The following TGS1 variants were observed in gnomAD, a reference collection of about 807,000 sequenced individuals.
TGS1 encodes the protein trimethylguanosine synthase 1.
TGS1 carries 69 observed loss-of-function variants against 92.2 expected under a neutral mutation model. The observed-to-expected ratio is 0.75, with a 90% CI of 0.62 to 0.91. TGS1 has a LOEUF of 0.91. TGS1 is among the 40% of genes least tolerant of loss of function. The probability of loss-of-function intolerance (pLI) is 0.00; values close to 1 mark genes in which losing one functional copy is unlikely to be tolerated. For missense variants in TGS1, 1,062 were observed against 1,001.2 expected (o/e 1.06, Z -0.82); for synonymous variants, 345 against 338.1 (o/e 1.02, Z -0.22).
At chr8:55,776,103 T>G (rs1264601468) in intron 1 of TGS1, among the ~76,000 whole-genome samples, 1 of 152,028 alleles carries the variant, frequency 6.6e-6, no homozygotes, top group African/African-American at 2.4e-5. Flanking sequence ...GACTCCTGTC[T>G]CAAGAGCCGA....
intron 6 of TGS1, among the ~76,000 whole-genome samples, chr8:55,795,384 C>T (rs1812008595): frequency 6.6e-6 from 1 of 152,140 alleles, no homozygotes; most frequent in South Asian, 2.1e-4. Context: ...CTAAAGTGTA[C>T]GTGACACTCT....
At chr8:55,805,299 T>G (rs929997532) in intron 10 of TGS1, among the ~76,000 whole-genome samples, 2 of 152,142 alleles carry the variant, frequency 1.3e-5, no homozygotes, top group African/African-American at 4.8e-5. Context: ...GTAAATATAT[T>G]GGAAAATGTT....
At chr8:55,817,417 A>G (rs1452963211) in intron 12 of TGS1, among the ~76,000 whole-genome samples, 2 of 152,218 alleles carry the variant, frequency 1.3e-5, no homozygotes, top group Non-Finnish European at 2.9e-5. Context: ...TTGAATAAAT[A>G]TGAAAAACTA....
intron 6 of TGS1, 149 bp from the exon 7 acceptor site, chr8:55,795,829 T>G: frequency 2.9e-6 from 2 of 683,544 alleles, no homozygotes; most frequent in Non-Finnish European, 5.0e-6. Context: ...CTTCTGCAAG[T>G]TGAACTTGAT....
chr8:55,794,851 C>T (rs1811995548), intron 6 of TGS1, among the ~76,000 whole-genome samples: 1 of 152,178 alleles, frequency 6.6e-6, no homozygotes, highest in African/African-American at 2.4e-5. Context: ...GTTGAGATTT[C>T]AGGTCCTACT....
At chr8:55,805,097 A>AT (rs1324895574) in intron 10 of TGS1, 61 bp downstream of exon 10, 4 of 1,445,964 alleles carry the variant, frequency 2.8e-6, no homozygotes, top group Non-Finnish European at 3.8e-6. Flanking sequence ...AAATGTTTCC[A>AT]TTTTGCTACA....
At chr8:55,811,834 T>C (rs1803348592) in intron 11 of TGS1, among the ~76,000 whole-genome samples, 1 of 152,190 alleles carries the variant, frequency 6.6e-6, no homozygotes, top group African/African-American at 2.4e-5. Context: ...TTCTAGTTTA[T>C]TTTACATAAA....
chr8:55,822,365 C>T (rs781535446), intron 12 of TGS1, among the ~76,000 whole-genome samples: 32 of 152,120 alleles, frequency 2.1e-4, no homozygotes, highest in Admixed American at 4.6e-4. Flanking sequence ...CCACAGCGCC[C>T]GGCCTAAAAA....
At chr8:55,783,635 T>A (rs1811630189) in intron 2 of TGS1, among the ~76,000 whole-genome samples, 1 of 152,202 alleles carries the variant, frequency 6.6e-6, no homozygotes, top group Non-Finnish European at 1.5e-5. Flanking sequence ...TGTCTCAAAC[T>A]TCCCTACTGC....
At chr8:55,780,160 C>CTTTTTTT (rs56871302) in intron 1 of TGS1, among the ~76,000 whole-genome samples, 7 of 130,956 alleles carry the variant, frequency 5.3e-5, no homozygotes, top group Non-Finnish European at 8.1e-5. Flanking sequence ...TCTGGCATGG[C>CTTTTTTT]TTTTTTTTTT....
chr8:55,785,949 C>A, intron 3 of TGS1, 58 bp downstream of exon 3: 2 of 1,394,198 alleles, frequency 1.4e-6, no homozygotes, highest in Non-Finnish European at 2.0e-6. Flanking sequence ...TAAAATATCG[C>A]AAGGAATTAC....
chr8:55,821,163 T>G (rs2130259596), intron 12 of TGS1, among the ~76,000 whole-genome samples: 1 of 152,360 alleles, frequency 6.6e-6, no homozygotes, highest in East Asian at 1.9e-4. Context: ...AAAAAATTGT[T>G]TCTAAACACT....
intron 12 of TGS1, among the ~76,000 whole-genome samples, chr8:55,818,804 A>G (rs1803553537): frequency 6.6e-6 from 1 of 152,218 alleles, no homozygotes; most frequent in Non-Finnish European, 1.5e-5. Context: ...GGCCACACAT[A>G]GTGCTACCTG....
At chr8:55,800,261 A>G (rs1410935067) in intron 8 of TGS1, among the ~76,000 whole-genome samples, 2 of 152,114 alleles carry the variant, frequency 1.3e-5, no homozygotes, top group African/African-American at 2.4e-5. Context: ...TTTATTATCA[A>G]TGTTATAATA....
Position 55,810,931 on chromosome 8 carries a change from G to T in TGS1, c.2194G>T (p.Ala732Ser). The T allele has an allele frequency of 6.2e-7, 1 of 1,614,160 alleles. No homozygotes were observed. Among genetic ancestry groups the T allele is most frequent in the Non-Finnish European group, 8.5e-7 (1 of 1,180,036 alleles). Residue 732 changes from alanine (A) to serine (S), a missense_variant, in exon 11 of 13, where the codon GCA becomes TCA. Physicochemically the swap from Ala to Ser is moderately conservative, Grantham distance 99 (BLOSUM62 1). Transcript: ENST00000260129. ...PVKIALARNN[A>S]EVYGIADKIE... Reference sequence around the variant, plus strand: ...TAAGATTGCCCTTGCTCGCAATAATGCAGAAGTTTATGGGATAGCAGATAA... The same window carrying T: ...TAAGATTGCCCTTGCTCGCAATAATTCAGAAGTTTATGGGATAGCAGATAA...
intron 12 of TGS1, among the ~76,000 whole-genome samples, chr8:55,820,511 C>T (rs1214064131): frequency 6.6e-6 from 1 of 152,176 alleles, no homozygotes; most frequent in Non-Finnish European, 1.5e-5. Context: ...GCACTCCAGC[C>T]TGGGCGGTAG....
intron 6 of TGS1, among the ~76,000 whole-genome samples, chr8:55,793,306 A>G (rs1189503927): frequency 6.6e-6 from 1 of 152,202 alleles, no homozygotes; most frequent in Non-Finnish European, 1.5e-5. Context: ...AGGCTGGGCA[A>G]TATAGGGAGA....
At chr8:55,824,336 G>C (rs1217478584) in intron 12 of TGS1, among the ~76,000 whole-genome samples, 3 of 152,110 alleles carry the variant, frequency 2.0e-5, no homozygotes, top group Non-Finnish European at 4.4e-5. Context: ...GAGAGTTCAA[G>C]TCCTATACAA....
chr8:55,800,679 C>A (rs567966835), intron 8 of TGS1, among the ~76,000 whole-genome samples: 1 of 152,236 alleles, frequency 6.6e-6, no homozygotes, highest in African/African-American at 2.4e-5. Flanking sequence ...ATTCCACCCA[C>A]AATGTCATTA....
Sources: allele counts gnomAD v4.1 joint callset (sites outside exome capture counted in the v4.1 genomes callset), GRCh38; gene constraint gnomAD v4.1.1; transcripts MANE v1.5; gene names NCBI Gene and HGNC (gene_info 2026-07-23, HGNC 2026-07-21).